KYNU: variants seen among roughly 807,000 people sequenced by gnomAD.
KYNU encodes the protein kynureninase.
In KYNU, 54 loss-of-function variants were observed where a neutral mutation model predicts 59.2. That is an observed-to-expected ratio of 0.91 (90% CI 0.73 to 1.14). KYNU has a LOEUF of 1.14. Among genes scored for constraint, KYNU ranks in the 50% most tolerant of loss-of-function variants. The pLI, the probability that KYNU is intolerant of heterozygous loss-of-function variation, is 0.00. For missense variants in KYNU, 567 were observed against 554.4 expected (o/e 1.02, Z -0.23); for synonymous variants, 177 against 192.0 (o/e 0.92, Z 0.65).
At chr2:143,018,966 AT>A (rs1237920333) in intron 10 of KYNU, among the ~76,000 whole-genome samples, 3 of 152,026 alleles carry the variant, frequency 2.0e-5, no homozygotes, top group East Asian at 1.9e-4. Context: ...AGTGCTACTG[AT>A]TTTTTTACAT....
In KYNU at chr2:142,913,983, C is replaced by T. The variant is rs921657820; in HGVS notation, c.170-4626C>T. ...CCTGTTTTATTGCTATTGGCTTAGG[C>T]AGTCTGGCCACTCCTTGGCACCATT... is the stretch of plus-strand genomic sequence containing the variant. On this transcript the variant is annotated intron_variant, in intron 2 of 13. Coordinates refer to ENST00000264170, the MANE Select transcript of KYNU (RefSeq NM_003937.3). Among the ~76,000 whole-genome samples, 18 of 152,310 alleles carry T rather than the reference C, an allele frequency of 1.2e-4. No homozygotes were observed. In the Middle Eastern group the frequency reaches 0.02, roughly 173 times the overall value.
intron 12 of KYNU, among the ~76,000 whole-genome samples, chr2:143,035,621 T>C (rs1440829216): frequency 6.6e-6 from 1 of 152,128 alleles, no homozygotes; most frequent in Non-Finnish European, 1.5e-5. Context: ...GATGAGGTCT[T>C]GCTCTGTTGT....
rs117038981 is a variant in KYNU, at chr2:143,015,648, C to T, written c.903-13979C>T. Among the ~76,000 whole-genome samples the T allele has an allele frequency of 5.8e-4, 88 of 151,784 alleles. 2 individuals carry two copies. In the East Asian group the frequency reaches 0.016, roughly 28 times the overall value. Reference sequence around the variant, plus strand: ...CTTCTTTCTTCCTGGGTTTTTGTCCCTCTTTTATTTTGTTCTGTTTATGGA... The same window carrying T: ...CTTCTTTCTTCCTGGGTTTTTGTCCTTCTTTTATTTTGTTCTGTTTATGGA... On this transcript the variant is annotated intron_variant, in intron 10 of 13. Coordinates refer to ENST00000264170, the MANE Select transcript of KYNU (RefSeq NM_003937.3).
In KYNU at chr2:143,042,583, G is replaced by GATATATATATATAT. The variant is rs10528472; in HGVS notation, c.*446_*459dup. On this transcript the variant is annotated 3_prime_UTR_variant, in exon 14 of 14. Coordinates refer to ENST00000264170, the MANE Select transcript of KYNU (RefSeq NM_003937.3). ...GAGTTTCTTTGAAGCATTGTAGTCT[G>GATATATATATATAT]ATATATATATATATATATATATATA... 7.3e-6 allele frequency: 1 copy of GATATATATATATAT among 136,404 alleles called. No homozygotes were observed. The highest frequency in any genetic ancestry group is 3.0e-5 in the African/African-American group (1 of 32,902). 8.4% of individuals were successfully genotyped at this position (136,404 alleles called of 1,614,324 possible). A position where few individuals can be genotyped will look rare whatever the true frequency, so the allele number is the denominator to read the frequency against.
intron 2 of KYNU, among the ~76,000 whole-genome samples, chr2:142,903,056 C>G (rs1044828979): frequency 6.6e-6 from 1 of 152,164 alleles, no homozygotes; most frequent in African/African-American, 2.4e-5. Flanking sequence ...AGCAGCCTCA[C>G]TGATAATCCT....
chr2:143,029,344 G>A (rs1279045863), intron 10 of KYNU, among the ~76,000 whole-genome samples: 1 of 152,160 alleles, frequency 6.6e-6, no homozygotes, highest in Non-Finnish European at 1.5e-5. Flanking sequence ...CCAGCAGTTT[G>A]GGAAGCCAAG....
intron 10 of KYNU, among the ~76,000 whole-genome samples, chr2:143,019,437 A>G (rs1686347061): frequency 1.3e-5 from 2 of 152,108 alleles, no homozygotes; most frequent in Non-Finnish European, 2.9e-5. Context: ...TATGACATTT[A>G]CTGATTTGTG....
chr2:142,885,492 T>G lies in KYNU; in HGVS notation c.125T>G (p.Phe42Cys). The change falls in exon 2 of 14, where the codon TTC (phenylalanine) becomes TGC (cysteine). Residue 42 changes from phenylalanine to cysteine, a missense_variant. Transcript: ENST00000264170. The part of the protein sequence containing the change: ...HLDEEDKLRH[F>C]RECFYIPKIQ... Reference sequence around the variant, plus strand: ...GATGAGGAAGATAAGCTGAGGCACTTCAGGGAGTGCTTTTATATTCCCAAA... The same window carrying G: ...GATGAGGAAGATAAGCTGAGGCACTGCAGGGAGTGCTTTTATATTCCCAAA... The G allele has an allele frequency of 6.2e-7, 1 of 1,613,966 alleles. No individual in the cohort carries two copies. Among genetic ancestry groups the G allele is most frequent in the Non-Finnish European group, 8.5e-7 (1 of 1,179,966 alleles).
chr2:143,029,554 C>G, intron 10 of KYNU, 73 bp from the exon 11 acceptor site: 1 of 928,244 alleles, frequency 1.1e-6, no homozygotes, highest in Non-Finnish European at 1.8e-6. Flanking sequence ...CCACTGCACT[C>G]CAGCCTAGGC....
chr2:142,931,247 G>T (rs973303805), intron 4 of KYNU, among the ~76,000 whole-genome samples: 1 of 152,142 alleles, frequency 6.6e-6, no homozygotes, highest in Non-Finnish European at 1.5e-5. Flanking sequence ...GTACATTCCC[G>T]TCTATTTGGT....
intron 4 of KYNU, among the ~76,000 whole-genome samples, chr2:142,929,585 G>A (rs1407725708): frequency 6.6e-6 from 1 of 151,824 alleles, no homozygotes; most frequent in Non-Finnish European, 1.5e-5. Flanking sequence ...GCCCAAGGTG[G>A]TTGGGTTGAC....
At chr2:142,952,403 TTTTG>T (rs573911297) in intron 4 of KYNU, among the ~76,000 whole-genome samples, 126 of 152,146 alleles carry the variant, frequency 8.3e-4, no homozygotes, top group African/African-American at 2.9e-3. Context: ...TTTTATTTGT[TTTTG>T]TTTGTTTGTT....
At chr2:142,919,648 A>C (rs1472558766) in intron 3 of KYNU, among the ~76,000 whole-genome samples, 1 of 152,200 alleles carries the variant, frequency 6.6e-6, no homozygotes, top group African/African-American at 2.4e-5. Context: ...TTTAAAGTTT[A>C]GTAGGCCAGT....
intron 3 of KYNU, among the ~76,000 whole-genome samples, chr2:142,920,726 A>C (rs1055192424): frequency 2.0e-5 from 3 of 152,226 alleles, no homozygotes; most frequent in African/African-American, 4.8e-5. Flanking sequence ...GAATTAAAGA[A>C]GACTTCTAAG....
intron 4 of KYNU, among the ~76,000 whole-genome samples, chr2:142,930,995 T>C (rs1429022736): frequency 6.6e-6 from 1 of 152,186 alleles, no homozygotes; most frequent in African/African-American, 2.4e-5. Flanking sequence ...TTTTATAGTC[T>C]CCTGTAAACA....
chr2:142,960,659 A>G lies in KYNU; in HGVS notation c.618A>G (p.Glu206=), dbSNP rs750430584. The G allele has an allele frequency of 9.9e-6, 16 of 1,613,642 alleles. No homozygotes were observed. The highest frequency in any genetic ancestry group is 1.3e-5 in the African/African-American group (1 of 74,904). Reference sequence around the variant, plus strand: ...CCTTAAGAATAGAGGATATCCTTGAAGTAATTGAGAAGGAAGGAGACTCAA... The same window carrying G: ...CCTTAAGAATAGAGGATATCCTTGAGGTAATTGAGAAGGAAGGAGACTCAA... ...EETLRIEDIL[E]VIEKEGDSIA... is the part of the protein sequence containing the mutation. The change falls in exon 8 of 14, where the codon GAA becomes GAG. Residue 206 remains glutamate (E), a synonymous_variant. Coordinates refer to ENST00000264170, the MANE Select transcript of KYNU (RefSeq NM_003937.3).
intron 10 of KYNU, among the ~76,000 whole-genome samples, chr2:143,026,055 G>A (rs1339807755): frequency 1.3e-5 from 2 of 152,112 alleles, no homozygotes; most frequent in African/African-American, 2.4e-5. Flanking sequence ...TTTCTTTGAT[G>A]CAACAACAAT....
intron 8 of KYNU, among the ~76,000 whole-genome samples, chr2:142,981,466 T>C (rs1485462137): frequency 6.6e-6 from 1 of 152,016 alleles, no homozygotes; most frequent in Non-Finnish European, 1.5e-5. Flanking sequence ...TATAAACAAA[T>C]AAATGTGTGT....
intron 10 of KYNU, among the ~76,000 whole-genome samples, chr2:142,999,523 A>T (rs1685649839): frequency 3.3e-5 from 5 of 152,172 alleles, no homozygotes; most frequent in Admixed American, 1.3e-4. Context: ...GTGTTTGAGG[A>T]GTCATCAATC....
Sources: gnomAD v4.1 joint callset for allele counts (sites outside exome capture counted in the v4.1 genomes callset) on GRCh38, gnomAD v4.1.1 for gene constraint, MANE v1.5 for transcripts, NCBI Gene and HGNC (gene_info 2026-07-23, HGNC 2026-07-21) for gene names.